Variants in GLRX observed in about 807,000 individuals in gnomAD.
The protein encoded by GLRX is glutaredoxin.
In GLRX, 9 loss-of-function variants were observed where a neutral mutation model predicts 11.1. The observed-to-expected ratio is 0.81, with a 90% CI of 0.49 to 1.42. The LOEUF (loss-of-function observed/expected upper bound fraction) is 1.42. Ranked by LOEUF, GLRX falls within the 40% of genes most tolerant of loss-of-function variation. GLRX has a pLI of 0.00. For synonymous variants in GLRX, 49 were observed against 49.5 expected, an observed-to-expected ratio of 0.99 and a Z score of 0.04; for missense variants, 102 against 126.2, an observed-to-expected ratio of 0.81 and a Z score of 0.92.
intron 2 of GLRX, among the ~76,000 whole-genome samples, chr5:95,815,869 T>A (rs190804032): frequency 5.1e-4 from 77 of 152,360 alleles, no homozygotes; most frequent in African/African-American, 1.7e-3. Flanking sequence ...TTTGAATAAA[T>A]CCAAATTGTT....
At chr5:95,817,965 G>C (rs930939891) in intron 1 of GLRX, 4 of 152,172 alleles carry the variant, frequency 2.6e-5, no homozygotes, top group African/African-American at 9.7e-5. Context: ...ATTAAAAAGG[G>C]GGTCTGGGTG....
chr5:95,817,985 A>G (rs1747071065), intron 1 of GLRX: 1 of 152,220 alleles, frequency 6.6e-6, no homozygotes, highest in African/African-American at 2.4e-5. Flanking sequence ...GAAGGTAGGC[A>G]TTAAAAATAA....
chr5:95,816,029 T>C (rs1746981787), intron 2 of GLRX, among the ~76,000 whole-genome samples: 1 of 152,194 alleles, frequency 6.6e-6, no homozygotes, highest in South Asian at 2.1e-4. Context: ...TGCTATTCCC[T>C]CTGCCTGAAA....
At position 95,822,141 on chromosome 5, in the gene GLRX, G is replaced by T. The variant is rs28926197; in HGVS notation, c.207+315C>A. 1.9e-3 allele frequency: 693 copies of T among 361,486 alleles called. 1 individual carries two copies. Among genetic ancestry groups the T allele is most frequent in the African/African-American group, 0.013 (648 of 49,140 alleles). The allele number at this position is 361,486 out of a possible 1,614,324, so 22.4% of individuals were successfully genotyped here. A position where few individuals can be genotyped will look rare whatever the true frequency, so the allele number is the denominator to read the frequency against. On this transcript the variant is annotated intron_variant, in intron 1 of 2. Coordinates refer to ENST00000237858, the MANE Select transcript of GLRX (RefSeq NM_001118890.2). Reference sequence around the variant, plus strand: ...GCCAACTGAAAACTGTCATTTCCTGGCAGTGCTTAAAACAAAGACTCTAGA... The same window carrying T: ...GCCAACTGAAAACTGTCATTTCCTGTCAGTGCTTAAAACAAAGACTCTAGA...
In GLRX at chr5:95,822,666, G is replaced by T. The variant is rs1295524952; in HGVS notation, c.-4C>A. ...AGTTCACAAACTCTTGAGCCATGCC[G>T]ATGGGCTGCGGTCTCCCCGGGAAGA... On this transcript the variant is annotated 5_prime_UTR_variant, in exon 1 of 3. Transcript: ENST00000237858. The T allele has an allele frequency of 1.2e-6, 2 of 1,612,882 alleles. No individual in the cohort carries two copies. Among genetic ancestry groups the T allele is most frequent in the East Asian group, 4.5e-5 (2 of 44,872 alleles).
chr5:95,816,464 C>T (rs201465141), intron 2 of GLRX, 43 bp downstream of exon 2: 14 of 913,696 alleles, frequency 1.5e-5, no homozygotes, highest in East Asian at 4.8e-5. Context: ...AAGAATTCCA[C>T]GGTCTCCCAT....
chr5:95,815,520 C>T (rs974920686), intron 2 of GLRX, among the ~76,000 whole-genome samples: 6 of 152,204 alleles, frequency 3.9e-5, no homozygotes, highest in Admixed American at 1.3e-4. Flanking sequence ...GCAATAGATA[C>T]CCCTCCAAGA....
At chr5:95,816,463 A>G in intron 2 of GLRX, 44 bp downstream of exon 2, 2 of 911,690 alleles carry the variant, frequency 2.2e-6, no homozygotes, top group Admixed American at 1.7e-5. Context: ...GAAGAATTCC[A>G]CGGTCTCCCA....
intron 1 of GLRX, chr5:95,816,995 C>G (rs1411199707): frequency 1.1e-5 from 2 of 174,156 alleles, no homozygotes; most frequent in African/African-American, 4.8e-5. Flanking sequence ...AGATTGTAAA[C>G]TGGGTCACAG....
intron 2 of GLRX, among the ~76,000 whole-genome samples, chr5:95,815,206 T>C (rs970635436): frequency 1.3e-5 from 2 of 152,180 alleles, no homozygotes; most frequent in African/African-American, 4.8e-5. Context: ...ACATTTCCCA[T>C]CTTCTCTCAT....
intron 1 of GLRX, chr5:95,822,154 CAA>C (rs1486826314): frequency 7.2e-6 from 3 of 418,094 alleles, no homozygotes; most frequent in Admixed American, 3.8e-5. Context: ...GTGCTTAAAA[CAA>C]AGACTCTAGA....
chr5:95,817,569 T>C (rs1290366266), intron 1 of GLRX: 1 of 152,276 alleles, frequency 6.6e-6, no homozygotes, highest in Non-Finnish European at 1.5e-5. Context: ...ACCTGCTGAA[T>C]AGGCTCCTCT....
rs1747293563 is a variant in GLRX at position 95,822,659 on chromosome 5, C to T, written c.4G>A (p.Ala2Thr). The change falls in exon 1 of 3, where the codon GCT (alanine) becomes ACT (threonine). Residue 2 changes from alanine to threonine, a missense_variant. Physicochemically the swap from Ala to Thr is moderately conservative, Grantham distance 58. Transcript: ENST00000237858. Reference sequence around the variant, plus strand: ...ATTTTGCAGTTCACAAACTCTTGAGCCATGCCGATGGGCTGCGGTCTCCCC... The same window carrying T: ...ATTTTGCAGTTCACAAACTCTTGAGTCATGCCGATGGGCTGCGGTCTCCCC... M[A>T]QEFVNCKIQP... The T allele has an allele frequency of 6.2e-7, 1 of 1,613,582 alleles. No homozygotes were observed. The highest frequency in any genetic ancestry group is 1.3e-5 in the African/African-American group (1 of 75,018).
intron 1 of GLRX, among the ~76,000 whole-genome samples, chr5:95,820,131 A>G (rs562262420): frequency 8.6e-5 from 13 of 151,556 alleles, no homozygotes; most frequent in South Asian, 2.1e-4. Flanking sequence ...GTGGGAGGAT[A>G]GCTTGAGGCC....
chr5:95,822,173 C>A (rs1747263693), intron 1 of GLRX: 3 of 503,148 alleles, frequency 6.0e-6, no homozygotes, highest in Non-Finnish European at 1.1e-5. Flanking sequence ...TAGATAATTC[C>A]CCAGGGACTC....
At chr5:95,821,954 G>A (rs1747253716) in intron 1 of GLRX, among the ~76,000 whole-genome samples, 1 of 152,140 alleles carries the variant, frequency 6.6e-6, no homozygotes, top group Non-Finnish European at 1.5e-5. Context: ...ACAAGGGGCA[G>A]ATAACGGTAC....
At chr5:95,822,361 G>T in intron 1 of GLRX, 95 bp downstream of exon 1, 1 of 921,370 alleles carries the variant, frequency 1.1e-6, no homozygotes, top group Non-Finnish European at 1.8e-6. Flanking sequence ...ACGCCTTGAA[G>T]TACGGAGCCG....
rs749422770 is a variant in GLRX, at chr5:95,816,561, C to T, written c.273G>A (p.Gln91=). Residue 91 remains glutamine, a synonymous_variant, in exon 2 of 3, where the codon CAG becomes CAA. Coordinates refer to ENST00000237858, the MANE Select transcript of GLRX (RefSeq NM_001118890.2). ...TTAGCCGCGTCAGCAGTTCCCCACT[C>T]TGTTGCAAAGAGACTAGATCACTGC... ...GGCSDLVSLQ[Q]SGELLTRLKQ... is the part of the protein sequence containing the mutation. The T allele has an allele frequency of 6.2e-7, 1 of 1,611,712 alleles. No individual in the cohort carries two copies. The highest frequency in any genetic ancestry group is 8.5e-7 in the Non-Finnish European group (1 of 1,177,810).
chr5:95,822,685 G>T lies in GLRX; in HGVS notation c.-23C>A. 6.2e-7 allele frequency: 1 copy of T among 1,602,940 alleles called. No individual in the cohort carries two copies. Among genetic ancestry groups the T allele is most frequent in the Non-Finnish European group, 8.5e-7 (1 of 1,170,390 alleles). Reference sequence around the variant, plus strand: ...CATGCCGATGGGCTGCGGTCTCCCCGGGAAGAATCCTCAGTTGCAGGTATT... The same window carrying T: ...CATGCCGATGGGCTGCGGTCTCCCCTGGAAGAATCCTCAGTTGCAGGTATT... On this transcript the variant is annotated 5_prime_UTR_variant, in exon 1 of 3. Transcript: ENST00000237858.
Sources: allele counts gnomAD v4.1 joint callset (sites outside exome capture counted in the v4.1 genomes callset), GRCh38; gene constraint gnomAD v4.1.1; transcripts MANE v1.5; gene names NCBI Gene and HGNC (gene_info 2026-07-23, HGNC 2026-07-21).